The following SV2C variants were observed in gnomAD, a reference collection of about 807,000 sequenced individuals.
SV2C encodes the protein solute carrier family 22 member B3.
A neutral mutation model predicts 79.7 loss-of-function variants in SV2C; 49 were observed. The observed-to-expected ratio is 0.61, with a 90% CI of 0.49 to 0.78. The LOEUF is 0.78. Ranked by LOEUF, SV2C falls within the 30% of genes least tolerant of loss-of-function variation. The pLI, the probability that SV2C is intolerant of heterozygous loss-of-function variation, is 0.00. For missense variants in SV2C, 833 were observed against 912.9 expected, an observed-to-expected ratio of 0.91 and a Z score of 1.13; for synonymous variants, 334 against 333.2, an observed-to-expected ratio of 1.00 and a Z score of -0.03.
chr5:76,213,262 T>C (rs187506662), intron 4 of SV2C, among the ~76,000 whole-genome samples: 1 of 152,364 alleles, frequency 6.6e-6, no homozygotes, highest in African/African-American at 2.4e-5. Flanking sequence ...CTGAGGTCAT[T>C]GTTGTACTCT....
chr5:76,037,012 T>A, the SV2C span, among the ~76,000 whole-genome samples: 7 of 152,330 alleles, frequency 4.6e-5, no homozygotes, highest in East Asian at 1.3e-3. Flanking sequence ...CCATCACTGA[T>A]ACCCTTTCTT....
chr5:75,968,953 C>T, the SV2C span, among the ~76,000 whole-genome samples: 1 of 152,154 alleles, frequency 6.6e-6, no homozygotes, highest in Non-Finnish European at 1.5e-5. Context: ...CAAAGGGAGG[C>T]CCATCAGACT....
chr5:75,900,002 G>A, the SV2C span, among the ~76,000 whole-genome samples: 1 of 152,012 alleles, frequency 6.6e-6, no homozygotes. Flanking sequence ...CACACTGATG[G>A]GTCTTGACTC....
the SV2C span, among the ~76,000 whole-genome samples, chr5:75,873,926 C>T: frequency 6.6e-6 from 1 of 151,858 alleles, no homozygotes; most frequent in Non-Finnish European, 1.5e-5. Flanking sequence ...GCCTACCAAC[C>T]AAAAAAAGCC....
chr5:75,888,698 C>T, the SV2C span, among the ~76,000 whole-genome samples: 1 of 152,076 alleles, frequency 6.6e-6, no homozygotes, highest in Non-Finnish European at 1.5e-5. Flanking sequence ...TGTTACAGCA[C>T]CTTGTAACAG....
chr5:76,075,963 G>T, the SV2C span: 1 of 180,104 alleles, frequency 5.6e-6, no homozygotes. Context: ...TTTCCAATTA[G>T]TTATGTAAAA....
chr5:76,273,181 A>G (rs116677722), intron 4 of SV2C, among the ~76,000 whole-genome samples: 7,571 of 148,854 alleles, frequency 0.051, 257 homozygotes, highest in Middle Eastern at 0.11. Context: ...ACACACATAT[A>G]TATATTTTTA....
the SV2C span, among the ~76,000 whole-genome samples, chr5:76,011,619 G>GT: frequency 2.0e-5 from 3 of 151,566 alleles, no homozygotes; most frequent in South Asian, 2.1e-4. Context: ...TTTTATTTAT[G>GT]TTTTTTTAAT....
At chr5:76,012,342 C>T in the SV2C span, among the ~76,000 whole-genome samples, 1 of 152,306 alleles carries the variant, frequency 6.6e-6, no homozygotes, top group South Asian at 2.1e-4. Context: ...TTTTGATTTG[C>T]ATTTCGCTAA....
upstream of SV2C, among the ~76,000 whole-genome samples, chr5:76,082,623 T>A (rs1278535132): frequency 8.0e-6 from 1 of 125,360 alleles, no homozygotes; most frequent in Non-Finnish European, 1.7e-5. Flanking sequence ...TCTCTCTCTA[T>A]CTCTCTCTCC....
intron 2 of SV2C, among the ~76,000 whole-genome samples, chr5:76,153,611 G>A (rs1344656451): frequency 6.6e-6 from 1 of 152,142 alleles, no homozygotes; most frequent in Non-Finnish European, 1.5e-5. Flanking sequence ...AACAAAGTAG[G>A]GCACCTAATT....
the SV2C span, among the ~76,000 whole-genome samples, chr5:75,893,050 A>G: frequency 5.3e-5 from 8 of 152,126 alleles, no homozygotes; most frequent in Admixed American, 2.6e-4. Flanking sequence ...AAACATGTAT[A>G]AGCATCCGCT....
At chr5:75,968,180 A>G in the SV2C span, among the ~76,000 whole-genome samples, 1 of 152,208 alleles carries the variant, frequency 6.6e-6, no homozygotes. Flanking sequence ...GTACGTCACC[A>G]TCATCAAAGA....
intron 1 of SV2C, among the ~76,000 whole-genome samples, chr5:76,112,383 C>T (rs992089451): frequency 3.9e-5 from 6 of 152,118 alleles, no homozygotes; most frequent in Non-Finnish European, 8.8e-5. Context: ...ATAATTGCAA[C>T]ACAGGAGAAC....
the SV2C span, among the ~76,000 whole-genome samples, chr5:75,876,503 T>C: frequency 1.3e-5 from 2 of 152,078 alleles, no homozygotes; most frequent in Non-Finnish European, 2.9e-5. Flanking sequence ...AAATAATATG[T>C]ATAATAAATT....
In SV2C at chr5:76,324,484, T is replaced by A. The variant is rs116549729; in HGVS notation, c.2001-880T>A. Among the ~76,000 whole-genome samples, 1,261 of 152,258 alleles carry A rather than the reference T, an allele frequency of 8.3e-3. 20 individuals are homozygous for A. The highest frequency in any genetic ancestry group is 0.028 in the African/African-American group (1,160 of 41,548). Reference sequence around the variant, plus strand: ...GGTGACCTGCCTCTCTCTAATGAACTGCGCTTTATGCCTGTTTTGTTCCTG... The same window carrying A: ...GGTGACCTGCCTCTCTCTAATGAACAGCGCTTTATGCCTGTTTTGTTCCTG... On this transcript the variant is annotated intron_variant, in intron 12 of 12. Coordinates refer to ENST00000502798, the MANE Select transcript of SV2C (RefSeq NM_014979.4).
At chr5:76,085,434 A>G (rs1747155190) in intron 1 of SV2C, among the ~76,000 whole-genome samples, 1 of 152,186 alleles carries the variant, frequency 6.6e-6, no homozygotes, top group African/African-American at 2.4e-5. Context: ...CTTTTTTTTA[A>G]AGACCACTTT....
rs889321433 is a variant in SV2C, at chr5:76,349,669, A to T, written c.2001-3461A>T. ...GGAAAGAGATGGATTTTTAGCCTTC[A>T]TTTTTTTTTTTTTTTTTTGAAGCAA... On this transcript the variant is annotated intron_variant, in intron 12 of 12. Coordinates refer to the SV2C transcript ENST00000322285. Among the ~76,000 whole-genome samples, 125 of 137,518 alleles carry T rather than the reference A, an allele frequency of 9.1e-4. 1 individual carries two copies. The South Asian group carries it at 0.017, about 19-fold the overall frequency. The allele number at this position is 137,518 out of a possible 152,430, so 90.2% of individuals were successfully genotyped here. A position where few individuals can be genotyped will look rare whatever the true frequency, so the allele number is the denominator to read the frequency against.
chr5:76,278,478 G>A (rs1747088269), intron 4 of SV2C, among the ~76,000 whole-genome samples: 1 of 152,198 alleles, frequency 6.6e-6, no homozygotes, highest in South Asian at 2.1e-4. Flanking sequence ...GAGCTGTCCA[G>A]ACCAGGAAAA....
Sources: allele counts gnomAD v4.1 joint callset (sites outside exome capture counted in the v4.1 genomes callset), GRCh38; gene constraint gnomAD v4.1.1; transcripts MANE v1.5; gene names NCBI Gene and HGNC (gene_info 2026-07-23, HGNC 2026-07-21).